Variants in NALF1 observed in about 807,000 individuals in gnomAD.
NALF1 encodes family with sequence similarity 155 member A.
Under a neutral mutation model 48.4 loss-of-function variants are expected in NALF1, and 3 were observed. That is an observed-to-expected ratio of 0.06 (90% CI 0.03 to 0.16). The LOEUF (loss-of-function observed/expected upper bound fraction) is 0.16. Among genes scored for constraint, NALF1 ranks in the 10% least tolerant of loss-of-function variants. The pLI, the probability that NALF1 is intolerant of heterozygous loss-of-function variation, is 1.00. For synonymous variants in NALF1, 262 were observed against 245.7 expected (o/e 1.07, Z -0.62); for missense variants, 526 against 571.5 (o/e 0.92, Z 0.81).
rs141740114 is a variant in NALF1 at position 107,691,065 on chromosome 13, G to C, written c.915+174617C>G. On this transcript the variant is annotated intron_variant, in intron 1 of 2. Transcript: ENST00000375915. ...GTACGATAAGGTCACACTGGAACAG[G>C]GTGGTCTTCTAATCCTTTATAACCA... Among the ~76,000 whole-genome samples the C allele has an allele frequency of 2.3e-3, 357 of 152,268 alleles. 5 individuals are homozygous for C. Among genetic ancestry groups the C allele is most frequent in the African/African-American group, 8.2e-3 (342 of 41,554 alleles).
At chr13:107,273,250 AAT>A (rs1881212336) in intron 1 of NALF1, among the ~76,000 whole-genome samples, 1 of 152,210 alleles carries the variant, frequency 6.6e-6, no homozygotes, top group Non-Finnish European at 1.5e-5. Context: ...AATAGGTCAT[AAT>A]GTTTTGTCCT....
chr13:107,422,054 A>G lies in NALF1; in HGVS notation c.916-211299T>C, dbSNP rs114474345. 5.0e-3 allele frequency among the ~76,000 whole-genome samples: 759 copies of G among 152,198 alleles called. 9 individuals are homozygous for G. The highest frequency in any genetic ancestry group is 0.017 in the African/African-American group (705 of 41,538). On this transcript the variant is annotated intron_variant, in intron 1 of 2. Coordinates refer to ENST00000375915, the MANE Select transcript of NALF1 (RefSeq NM_001080396.3). ...TCATGTCACCATTCAACCCTTACCC[A>G]TAAGATGTATTCCAGGTACTTTATA...
At chr13:107,338,903 T>C (rs956066432) in intron 1 of NALF1, among the ~76,000 whole-genome samples, 4 of 151,804 alleles carry the variant, frequency 2.6e-5, no homozygotes, top group Non-Finnish European at 5.9e-5. Context: ...GAGGCTGAGG[T>C]GGGCGGATCA....
intron 1 of NALF1, among the ~76,000 whole-genome samples, chr13:107,659,354 T>C (rs1438989454): frequency 1.2e-4 from 19 of 152,192 alleles, no homozygotes; most frequent in Admixed American, 1.1e-3. Flanking sequence ...CAGTGGAGTG[T>C]CTTCTATCTT....
chr13:107,816,879 C>T (rs1040125557), intron 1 of NALF1, among the ~76,000 whole-genome samples: 5 of 152,296 alleles, frequency 3.3e-5, no homozygotes, highest in East Asian at 1.9e-4. Context: ...TAAAACAAAA[C>T]GTAGGTCTGC....
At chr13:107,290,557 C>T (rs1005409589) in intron 1 of NALF1, among the ~76,000 whole-genome samples, 29 of 152,096 alleles carry the variant, frequency 1.9e-4, no homozygotes, top group African/African-American at 6.5e-4. Flanking sequence ...ATGTAGGATG[C>T]GCCTTTCACC....
intron 1 of NALF1, among the ~76,000 whole-genome samples, chr13:107,654,934 G>C (rs1334736135): frequency 2.0e-5 from 3 of 152,068 alleles, no homozygotes; most frequent in African/African-American, 7.2e-5. Flanking sequence ...AAAAGCATTT[G>C]ACAAAATCCA....
chr13:107,341,382 G>C (rs189861610), intron 1 of NALF1, among the ~76,000 whole-genome samples: 29 of 151,904 alleles, frequency 1.9e-4, no homozygotes, highest in African/African-American at 5.8e-4. Context: ...ACATATGATC[G>C]AGCCAGCCTC....
At position 107,611,187 on chromosome 13, in the gene NALF1, C is replaced by T. The variant is rs567852837; in HGVS notation, c.915+254495G>A. ...AAAATGTCAGTCTGTCTCAGCTGTG[C>T]TAAGGGAAAACAAGGAAAGGCGTTT... On this transcript the variant is annotated intron_variant, in intron 1 of 2. Coordinates refer to ENST00000375915, the MANE Select transcript of NALF1 (RefSeq NM_001080396.3). 3.3e-5 allele frequency among the ~76,000 whole-genome samples: 5 copies of T among 152,244 alleles called. No individual in the cohort carries two copies. In the East Asian group the frequency reaches 9.6e-4, roughly 29 times the overall value.
intron 1 of NALF1, among the ~76,000 whole-genome samples, chr13:107,632,124 T>A (rs1332363758): frequency 6.6e-6 from 1 of 152,110 alleles, no homozygotes; most frequent in Admixed American, 6.6e-5. Context: ...TTAAAATGAG[T>A]TTAATGTGCC....
chr13:107,770,302 C>A (rs1877544538), intron 1 of NALF1, among the ~76,000 whole-genome samples: 1 of 152,090 alleles, frequency 6.6e-6, no homozygotes, highest in Non-Finnish European at 1.5e-5. Flanking sequence ...TTTGGAGCTG[C>A]CTAAAATTCA....
intron 1 of NALF1, among the ~76,000 whole-genome samples, chr13:107,547,487 G>A (rs968550888): frequency 2.6e-5 from 4 of 152,022 alleles, no homozygotes; most frequent in African/African-American, 9.7e-5. Flanking sequence ...GTTTCTCATT[G>A]GCTAAGGACT....
intron 1 of NALF1, among the ~76,000 whole-genome samples, chr13:107,735,138 T>C (rs1054173207): frequency 2.0e-5 from 3 of 151,998 alleles, no homozygotes; most frequent in African/African-American, 7.2e-5. Flanking sequence ...TCCAATTGCA[T>C]GGGCCTGTGG....
intron 1 of NALF1, among the ~76,000 whole-genome samples, chr13:107,376,111 T>G (rs564126506): frequency 1.2e-4 from 18 of 152,208 alleles, no homozygotes; most frequent in South Asian, 1.0e-3. Context: ...AAGCAGCCCT[T>G]GGAGAGGCCC....
intron 1 of NALF1, among the ~76,000 whole-genome samples, chr13:107,488,157 T>C (rs146299260): frequency 1.4e-4 from 21 of 152,116 alleles, no homozygotes; most frequent in Admixed American, 2.6e-4. Context: ...GAATCTTCTT[T>C]CTTTTCTTAT....
intron 1 of NALF1, among the ~76,000 whole-genome samples, chr13:107,768,527 G>A (rs1877481469): frequency 6.6e-6 from 1 of 152,058 alleles, no homozygotes; most frequent in South Asian, 2.1e-4. Context: ...TACTAAGTGA[G>A]ATTTCCAAAA....
chr13:107,761,218 A>G (rs1305431676), intron 1 of NALF1, among the ~76,000 whole-genome samples: 2 of 152,058 alleles, frequency 1.3e-5, no homozygotes, highest in Non-Finnish European at 2.9e-5. Flanking sequence ...TTAGCTGGGC[A>G]TGGTGGCAGG....
At chr13:107,649,486 A>G (rs1262384820) in intron 1 of NALF1, among the ~76,000 whole-genome samples, 1 of 152,182 alleles carries the variant, frequency 6.6e-6, no homozygotes, top group African/African-American at 2.4e-5. Context: ...ATTGAATCAG[A>G]TATTTTCTTT....
In NALF1 at chr13:107,522,296, T is replaced by C. The variant is rs1224424146; in HGVS notation, c.916-311541A>G. Among the ~76,000 whole-genome samples the C allele has an allele frequency of 2.6e-5, 4 of 152,284 alleles. No homozygotes were observed. The East Asian group carries it at 7.7e-4, about 29-fold the overall frequency. On this transcript the variant is annotated intron_variant, in intron 1 of 2. Transcript: ENST00000375915. The stretch of plus-strand genomic sequence containing the variant: ...CAAACACAAATACTTATTTTTCCTT[T>C]AATTTCTTGGACCCTTTCTCAATCT...
Sources: allele counts gnomAD v4.1 joint callset (sites outside exome capture counted in the v4.1 genomes callset), GRCh38; gene constraint gnomAD v4.1.1; transcripts MANE v1.5; gene names NCBI Gene and HGNC (gene_info 2026-07-23, HGNC 2026-07-21).